Variants in METTL15 observed in about 807,000 individuals in gnomAD.
The protein encoded by METTL15 is methyltransferase 15, mitochondrial 12S rRNA N4-cytidine, also known as 12S rRNA N(4)-cytidine methyltransferase METTL15.
In METTL15, 34 loss-of-function variants were observed where a neutral mutation model predicts 38.3. The ratio of observed to expected loss-of-function variants is 0.89; its 90% CI spans 0.68 to 1.18. METTL15 has a LOEUF of 1.18. Among genes scored for constraint, METTL15 ranks in the 50% most tolerant of loss-of-function variants. The pLI, the probability that METTL15 is intolerant of heterozygous loss-of-function variation, is 0.00. For synonymous variants in METTL15, 162 were observed against 170.9 expected (o/e 0.95, Z 0.41); for missense variants, 438 against 498.4 (o/e 0.88, Z 1.15).
intron 3 of METTL15, among the ~76,000 whole-genome samples, chr11:28,160,415 A>G (rs567534401): frequency 3.3e-5 from 5 of 152,080 alleles, no homozygotes; most frequent in Non-Finnish European, 7.4e-5. Context: ...AGAATTATTT[A>G]TGTAAAACAA....
At chr11:28,247,827 T>C (rs1323749090) in intron 4 of METTL15, among the ~76,000 whole-genome samples, 1 of 152,112 alleles carries the variant, frequency 6.6e-6, no homozygotes, top group Non-Finnish European at 1.5e-5. Flanking sequence ...AATCATTTAC[T>C]AACAAGTCAA....
intron 6 of METTL15, among the ~76,000 whole-genome samples, chr11:28,465,316 A>G (rs1037267549): frequency 3.3e-5 from 5 of 151,946 alleles, no homozygotes; most frequent in Non-Finnish European, 7.4e-5. Context: ...TGTCCTTTCA[A>G]TGTTAATGAT....
intron 6 of METTL15, among the ~76,000 whole-genome samples, chr11:28,436,928 C>G (rs1052117531): frequency 5.3e-5 from 8 of 152,074 alleles, no homozygotes; most frequent in African/African-American, 1.9e-4. Flanking sequence ...TGGGTGGGCA[C>G]CATCTAATCA....
At chr11:28,192,640 G>T (rs1851740292) in intron 3 of METTL15, among the ~76,000 whole-genome samples, 1 of 152,050 alleles carries the variant, frequency 6.6e-6, no homozygotes, top group Non-Finnish European at 1.5e-5. Context: ...AGAATTCACT[G>T]TTGAAGCTAT....
Position 28,188,377 on chromosome 11 carries a change from T to G in METTL15, c.271-22685T>G, listed in dbSNP as rs531445597. Among the ~76,000 whole-genome samples the G allele has an allele frequency of 2.0e-3, 299 of 151,430 alleles. 1 individual carries two copies. The highest frequency in any genetic ancestry group is 5.9e-3 in the African/African-American group (246 of 41,474). Reference sequence around the variant, plus strand: ...AAAATTATGAAATAGCTTTGACTTTTTATTTGGATTTTTAAGAATGTAAAA... The same window carrying G: ...AAAATTATGAAATAGCTTTGACTTTGTATTTGGATTTTTAAGAATGTAAAA... On this transcript the variant is annotated intron_variant, in intron 3 of 6. Transcript: ENST00000407364.
chr11:28,121,811 G>A (rs1303391771), intron 3 of METTL15, among the ~76,000 whole-genome samples: 1 of 151,912 alleles, frequency 6.6e-6, no homozygotes, highest in East Asian at 1.9e-4. Flanking sequence ...TGGATTTTAT[G>A]ATAAGCTTTA....
intron 5 of METTL15, among the ~76,000 whole-genome samples, chr11:28,419,203 T>G (rs905537076): frequency 1.3e-5 from 2 of 152,170 alleles, no homozygotes; most frequent in African/African-American, 4.8e-5. Flanking sequence ...GCTATGCCAG[T>G]TTCAGGTCTG....
At chr11:28,375,405 G>T (rs1160373890) in intron 5 of METTL15, among the ~76,000 whole-genome samples, 1 of 152,020 alleles carries the variant, frequency 6.6e-6, no homozygotes, top group South Asian at 2.1e-4. Context: ...GATAGTGTAT[G>T]TGTCGAGGAA....
chr11:28,423,359 A>G (rs1445867963), intron 5 of METTL15, among the ~76,000 whole-genome samples: 1 of 152,040 alleles, frequency 6.6e-6, no homozygotes, highest in Non-Finnish European at 1.5e-5. Context: ...TACCCCCCCA[A>G]AAAAAGAAAA....
At chr11:28,191,911 A>T (rs1429151567) in intron 3 of METTL15, among the ~76,000 whole-genome samples, 2 of 151,868 alleles carry the variant, frequency 1.3e-5, no homozygotes, top group East Asian at 3.9e-4. Flanking sequence ...ACTGAGGTTA[A>T]TATTTTAATA....
intron 3 of METTL15, among the ~76,000 whole-genome samples, chr11:28,196,571 C>A (rs73436568): frequency 6.6e-6 from 1 of 151,816 alleles, no homozygotes; most frequent in Non-Finnish European, 1.5e-5. Flanking sequence ...TTACTGAATT[C>A]ATTTATCAAA....
At chr11:28,154,589 G>A (rs1341612680) in intron 3 of METTL15, among the ~76,000 whole-genome samples, 1 of 152,102 alleles carries the variant, frequency 6.6e-6, no homozygotes, top group South Asian at 2.1e-4. Flanking sequence ...AATAAATAAA[G>A]TTGTAATGTC....
intron 3 of METTL15, among the ~76,000 whole-genome samples, chr11:28,154,037 G>A (rs1194317463): frequency 1.3e-5 from 2 of 152,090 alleles, no homozygotes; most frequent in African/African-American, 4.8e-5. Flanking sequence ...AATTTTCAAA[G>A]TGGGTTCTTA....
intron 6 of METTL15, among the ~76,000 whole-genome samples, chr11:28,514,290 T>A (rs1226107435): frequency 3.9e-5 from 6 of 152,226 alleles, no homozygotes; most frequent in African/African-American, 7.2e-5. Flanking sequence ...GACTATTTTA[T>A]CTATGATTGG....
intron 6 of METTL15, among the ~76,000 whole-genome samples, chr11:28,470,043 A>G (rs1590385476): frequency 2.1e-5 from 1 of 48,740 alleles, no homozygotes; most frequent in Non-Finnish European, 6.1e-5. Flanking sequence ...GCAACAAAAG[A>G]AAAAAACCTC....
intron 5 of METTL15, among the ~76,000 whole-genome samples, chr11:28,364,656 A>G (rs1564907245): frequency 1.3e-5 from 2 of 152,108 alleles, no homozygotes; most frequent in South Asian, 4.1e-4. Context: ...TTCTATTTCT[A>G]CTTGGATGCC....
intron 6 of METTL15, among the ~76,000 whole-genome samples, chr11:28,456,927 A>G (rs1410640432): frequency 6.6e-6 from 1 of 152,176 alleles, no homozygotes; most frequent in African/African-American, 2.4e-5. Context: ...GATTCTTCCC[A>G]TGTGAAGCCT....
intron 6 of METTL15, among the ~76,000 whole-genome samples, chr11:28,324,706 G>T (rs1849575013): frequency 6.6e-6 from 1 of 152,116 alleles, no homozygotes; most frequent in Admixed American, 6.6e-5. Context: ...GACTAAAATT[G>T]TGATGCTGCT....
At chr11:28,120,914 A>G (rs1471310371) in intron 3 of METTL15, among the ~76,000 whole-genome samples, 1 of 151,972 alleles carries the variant, frequency 6.6e-6, no homozygotes, top group Admixed American at 6.6e-5. Context: ...TAGCAGGTGT[A>G]TGTATTTATA....
Sources: allele counts gnomAD v4.1 joint callset (sites outside exome capture counted in the v4.1 genomes callset), GRCh38; gene constraint gnomAD v4.1.1; transcripts MANE v1.5; gene names NCBI Gene and HGNC (gene_info 2026-07-23, HGNC 2026-07-21).